DLGAP1: variants seen among roughly 807,000 people sequenced by gnomAD.
The protein encoded by DLGAP1 is disks large-associated protein 1.
A neutral mutation model predicts 90.8 loss-of-function variants in DLGAP1; 11 were observed. The observed-to-expected ratio is 0.12, with a 90% confidence interval of 0.08 to 0.20. The LOEUF (loss-of-function observed/expected upper bound fraction) is 0.20, where lower values mean the gene tolerates loss of function less well. Among genes scored for constraint, DLGAP1 ranks in the 10% least tolerant of loss-of-function variants. DLGAP1 has a pLI of 1.00. For synonymous variants in DLGAP1, 558 were observed against 540.7 expected (o/e 1.03, Z -0.44); for missense variants, 1,050 against 1,333.8 (o/e 0.79, Z 3.31).
chr18:4,227,367 C>T (rs1163169588), intron 1 of DLGAP1, among the ~76,000 whole-genome samples: 1 of 152,006 alleles, frequency 6.6e-6, no homozygotes, highest in East Asian at 1.9e-4. Context: ...TAGATATTTA[C>T]AGAACATTTC....
chr18:3,918,590 A>C lies in DLGAP1; in HGVS notation c.-72-38450T>G, dbSNP rs80249401. On this transcript the variant is annotated intron_variant, in intron 3 of 12. Transcript: ENST00000315677. ...ACTAGAGGTCCCTGGAAAAGCCATT[A>C]AATATGTTTCTGGAGATTTTCCCCC... is the stretch of plus-strand genomic sequence containing the variant. Among the ~76,000 whole-genome samples the C allele has an allele frequency of 3.6e-3, 541 of 152,294 alleles. 5 individuals carry two copies. The highest frequency in any genetic ancestry group is 0.028 in the South Asian group (135 of 4,824).
chr18:3,716,206 T>C (rs2061754575), intron 7 of DLGAP1, among the ~76,000 whole-genome samples: 1 of 152,234 alleles, frequency 6.6e-6, no homozygotes, highest in African/African-American at 2.4e-5. Context: ...GATGTACTAT[T>C]GCTTCCAGTA....
chr18:3,921,830 G>A (rs2072275017), intron 3 of DLGAP1, among the ~76,000 whole-genome samples: 1 of 152,168 alleles, frequency 6.6e-6, no homozygotes, highest in South Asian at 2.1e-4. Flanking sequence ...GGAATTAACT[G>A]TGCTAATATC....
chr18:4,284,320 C>G (rs1411205620), intron 1 of DLGAP1, among the ~76,000 whole-genome samples: 1 of 151,586 alleles, frequency 6.6e-6, no homozygotes, highest in Admixed American at 6.6e-5. Flanking sequence ...AAGCCGAACA[C>G]AGGCAGGGTG....
intron 2 of DLGAP1, among the ~76,000 whole-genome samples, chr18:4,135,519 T>C (rs1021971855): frequency 1.3e-5 from 2 of 152,194 alleles, no homozygotes; most frequent in African/African-American, 4.8e-5. Context: ...TGAATTATTT[T>C]CTTCTAAGTT....
At chr18:4,286,170 G>A (rs1182601077) in intron 1 of DLGAP1, among the ~76,000 whole-genome samples, 1 of 152,166 alleles carries the variant, frequency 6.6e-6, no homozygotes, top group African/African-American at 2.4e-5. Flanking sequence ...CAAAAAGGAA[G>A]GATGAAGAAA....
intron 7 of DLGAP1, among the ~76,000 whole-genome samples, chr18:3,631,529 C>T (rs1440884678): frequency 1.3e-5 from 2 of 152,084 alleles, no homozygotes; most frequent in Non-Finnish European, 2.9e-5. Flanking sequence ...AGGAGGATCA[C>T]TTGAGCTCCG....
intron 2 of DLGAP1, among the ~76,000 whole-genome samples, chr18:4,024,989 G>A (rs978565609): frequency 6.6e-6 from 1 of 152,142 alleles, no homozygotes; most frequent in African/African-American, 2.4e-5. Flanking sequence ...CGGACACTGG[G>A]GAAATCAGAC....
At chr18:4,380,543 T>C (rs573672969) in intron 1 of DLGAP1, among the ~76,000 whole-genome samples, 2 of 152,332 alleles carry the variant, frequency 1.3e-5, no homozygotes, top group South Asian at 2.1e-4. Context: ...TGGTTACTTC[T>C]ATACATGCTC....
At chr18:3,870,628 C>A (rs1463494666) in intron 4 of DLGAP1, among the ~76,000 whole-genome samples, 2 of 151,978 alleles carry the variant, frequency 1.3e-5, no homozygotes, top group African/African-American at 4.8e-5. Context: ...ATCTATCTAT[C>A]TATCTATCTA....
chr18:3,774,390 A>T (rs1260757026), intron 5 of DLGAP1: 1 of 152,174 alleles, frequency 6.6e-6, no homozygotes, highest in Non-Finnish European at 1.5e-5. Flanking sequence ...ATCATATAGG[A>T]CATGATAGAT....
intron 1 of DLGAP1, among the ~76,000 whole-genome samples, chr18:4,242,403 G>A (rs994406584): frequency 7.9e-5 from 12 of 152,028 alleles, no homozygotes; most frequent in Admixed American, 2.0e-4. Context: ...AGTCCGCCCA[G>A]AATTCTGGCA....
intron 2 of DLGAP1, among the ~76,000 whole-genome samples, chr18:4,031,841 T>G (rs1171089205): frequency 6.6e-6 from 1 of 152,196 alleles, no homozygotes; most frequent in Admixed American, 6.5e-5. Context: ...ATTAAAATGA[T>G]GATGATAAAA....
chr18:3,577,700 C>G (rs1361174805), intron 8 of DLGAP1, among the ~76,000 whole-genome samples: 8 of 152,198 alleles, frequency 5.3e-5, no homozygotes, highest in Non-Finnish European at 1.0e-4. Context: ...ACTGCCAGCT[C>G]ATTTGCATCA....
At chr18:3,709,211 G>A (rs1158533786) in intron 7 of DLGAP1, among the ~76,000 whole-genome samples, 1 of 152,050 alleles carries the variant, frequency 6.6e-6, no homozygotes, top group African/African-American at 2.4e-5. Context: ...AATAAAATGA[G>A]AAAGCTGCCG....
intron 5 of DLGAP1, among the ~76,000 whole-genome samples, chr18:3,779,410 T>G (rs1179947741): frequency 6.6e-6 from 1 of 152,092 alleles, no homozygotes; most frequent in Non-Finnish European, 1.5e-5. Flanking sequence ...CTCCAAAACT[T>G]TCAGTGGTTT....
intron 1 of DLGAP1, among the ~76,000 whole-genome samples, chr18:4,251,792 G>A (rs946293511): frequency 4.6e-5 from 7 of 152,228 alleles, no homozygotes; most frequent in Admixed American, 1.3e-4. Flanking sequence ...CCCTGCAGGA[G>A]GAAGAATATT....
intron 7 of DLGAP1, among the ~76,000 whole-genome samples, chr18:3,725,838 T>C (rs112256197): frequency 0.013 from 1,937 of 152,336 alleles, 41 homozygotes; most frequent in African/African-American, 0.044. Context: ...CACCTACTAA[T>C]ACCTAGAGGA....
chr18:4,326,087 G>A (rs1464203205), intron 1 of DLGAP1, among the ~76,000 whole-genome samples: 1 of 152,002 alleles, frequency 6.6e-6, no homozygotes, highest in East Asian at 1.9e-4. Flanking sequence ...CTACATAATG[G>A]GAGAAAATAT....
Sources: gnomAD v4.1 joint callset for allele counts (sites outside exome capture counted in the v4.1 genomes callset) on GRCh38, gnomAD v4.1.1 for gene constraint, MANE v1.5 for transcripts, NCBI Gene and HGNC (gene_info 2026-07-23, HGNC 2026-07-21) for gene names.